The following GAREM1 variants were observed in gnomAD, a reference collection of about 807,000 sequenced individuals.
GAREM1 encodes GRB2 associated regulator of MAPK1 subtype 1.
GAREM1 carries 26 observed loss-of-function variants against 71.3 expected under a neutral mutation model. The observed-to-expected ratio is 0.36, with a 90% CI of 0.27 to 0.51. The LOEUF is 0.51. GAREM1 is among the 20% of genes least tolerant of loss of function. GAREM1 has a pLI of 0.95. For synonymous variants in GAREM1, 440 were observed against 433.2 expected, an observed-to-expected ratio of 1.02 and a Z score of -0.20; for missense variants, 1,026 against 1,103.1, an observed-to-expected ratio of 0.93 and a Z score of 0.99.
At chr18:32,429,311 C>G (rs1434492254) in intron 1 of GAREM1, among the ~76,000 whole-genome samples, 2 of 152,096 alleles carry the variant, frequency 1.3e-5, no homozygotes, top group East Asian at 3.8e-4. Flanking sequence ...ATTTTGGAGT[C>G]CATGATCCTT....
chr18:32,343,396 C>T (rs2047666512), intron 2 of GAREM1, among the ~76,000 whole-genome samples: 1 of 148,104 alleles, frequency 6.8e-6, no homozygotes, highest in African/African-American at 2.5e-5. Context: ...CTCACTGCAA[C>T]CTATACCTCC....
chr18:32,273,643 T>C (rs1234268134), intron 4 of GAREM1, among the ~76,000 whole-genome samples: 6 of 151,896 alleles, frequency 4.0e-5, no homozygotes, highest in Non-Finnish European at 8.8e-5. Context: ...CAAGACAGAA[T>C]TTGAGACACA....
intron 1 of GAREM1, among the ~76,000 whole-genome samples, chr18:32,429,663 G>A (rs1599041559): frequency 6.6e-6 from 1 of 152,178 alleles, no homozygotes; most frequent in African/African-American, 2.4e-5. Flanking sequence ...TCAGCTTGCC[G>A]GCTATGTTTC....
At chr18:32,293,752 C>G (rs1357552405) in intron 3 of GAREM1, among the ~76,000 whole-genome samples, 2 of 152,088 alleles carry the variant, frequency 1.3e-5, no homozygotes, top group African/African-American at 4.8e-5. Context: ...GGAGAATATA[C>G]CTTGGACAGT....
Position 32,393,015 on chromosome 18 carries a change from G to A in GAREM1, c.142C>T (p.Arg48Trp), listed in dbSNP as rs143598457. 20 of 1,613,348 alleles carry A rather than the reference G, an allele frequency of 1.2e-5. No homozygotes were observed. Among genetic ancestry groups the A allele is most frequent in the Admixed American group, 3.3e-5 (2 of 59,910 alleles). ...TGAATCAGCAGATAGTCATTTTCCC[G>A]CAGCCCTTCTACGCACTCTCCTAGG... ...LDNGECVEGLRENDYLLIHSC... is the reference protein window; with the variant it reads ...LDNGECVEGLWENDYLLIHSC... Residue 48 changes from arginine to tryptophan, a missense_variant, in exon 2 of 6, where the codon CGG becomes TGG. By Grantham distance (101) the Arg-to-Trp change is moderately radical. Around this residue, in one of 3 missense-constraint regions of GAREM1, gnomAD observed 172 missense variants for 175.2 expected, o/e 0.98. Coordinates refer to ENST00000269209, the MANE Select transcript of GAREM1 (RefSeq NM_001242409.2).
intron 2 of GAREM1, among the ~76,000 whole-genome samples, chr18:32,330,534 G>T (rs1489997357): frequency 2.0e-5 from 3 of 152,092 alleles, no homozygotes; most frequent in African/African-American, 7.2e-5. Context: ...AAAAAGAATA[G>T]ATTTGGAAAC....
intron 1 of GAREM1, among the ~76,000 whole-genome samples, chr18:32,444,716 T>C (rs944224146): frequency 6.6e-6 from 1 of 152,090 alleles, no homozygotes; most frequent in Non-Finnish European, 1.5e-5. Flanking sequence ...CCCAGTTGTT[T>C]CCAACCTGCC....
chr18:32,351,819 T>G (rs188947534), intron 2 of GAREM1, among the ~76,000 whole-genome samples: 2 of 152,098 alleles, frequency 1.3e-5, no homozygotes. Context: ...TACCCTACTT[T>G]CAAATTCTCA....
chr18:32,366,380 C>T (rs904754461), intron 2 of GAREM1, among the ~76,000 whole-genome samples: 2 of 152,066 alleles, frequency 1.3e-5, no homozygotes, highest in Non-Finnish European at 1.5e-5. Flanking sequence ...TCCAGGGCTT[C>T]GCATAGAAGA....
At chr18:32,335,169 T>C (rs1307806587) in intron 2 of GAREM1, among the ~76,000 whole-genome samples, 1 of 152,240 alleles carries the variant, frequency 6.6e-6, no homozygotes, top group African/African-American at 2.4e-5. Context: ...TCTAATCTTT[T>C]ATTCAATTGT....
chr18:32,358,208 T>A (rs1482217164), intron 2 of GAREM1, among the ~76,000 whole-genome samples: 4 of 145,794 alleles, frequency 2.7e-5, no homozygotes, highest in African/African-American at 1.0e-4. Flanking sequence ...CACACCCGGC[T>A]TGTGTGCTTC....
At chr18:32,444,412 C>T (rs1413012626) in intron 1 of GAREM1, among the ~76,000 whole-genome samples, 2 of 152,156 alleles carry the variant, frequency 1.3e-5, no homozygotes, top group South Asian at 2.1e-4. Flanking sequence ...GCTCTGTGAA[C>T]CTCAGTTGCC....
chr18:32,376,752 C>A (rs775900800), intron 2 of GAREM1, among the ~76,000 whole-genome samples: 1 of 152,144 alleles, frequency 6.6e-6, no homozygotes, highest in African/African-American at 2.4e-5. Flanking sequence ...GCAGAAGAAT[C>A]GCTTGAACCC....
chr18:32,328,133 T>C (rs1415161664), intron 2 of GAREM1, among the ~76,000 whole-genome samples: 1 of 152,222 alleles, frequency 6.6e-6, no homozygotes, highest in Non-Finnish European at 1.5e-5. Context: ...CAAAGCAGTG[T>C]ATGAAGTGCT....
At chr18:32,363,071 A>G (rs939041032) in intron 2 of GAREM1, among the ~76,000 whole-genome samples, 4 of 152,194 alleles carry the variant, frequency 2.6e-5, no homozygotes, top group Non-Finnish European at 2.9e-5. Flanking sequence ...TAAGTTATAT[A>G]AGGGGTTTAG....
chr18:32,397,896 T>C (rs868453891), intron 1 of GAREM1, among the ~76,000 whole-genome samples: 7 of 152,164 alleles, frequency 4.6e-5, no homozygotes, highest in Admixed American at 3.9e-4. Context: ...TATTCCAAAA[T>C]TGACCACATA....
At chr18:32,355,403 T>C (rs191000327) in intron 2 of GAREM1, among the ~76,000 whole-genome samples, 2 of 151,934 alleles carry the variant, frequency 1.3e-5, no homozygotes, top group Non-Finnish European at 1.5e-5. Context: ...GATGCATTTT[T>C]ACACATGACT....
At chr18:32,319,969 T>C (rs187442143) in intron 2 of GAREM1, among the ~76,000 whole-genome samples, 310 of 152,356 alleles carry the variant, frequency 2.0e-3, no homozygotes, top group African/African-American at 6.8e-3. Context: ...TGAAGTTAAA[T>C]ATGCTTGTCC....
intron 1 of GAREM1, among the ~76,000 whole-genome samples, chr18:32,453,151 G>A (rs2048856452): frequency 6.6e-6 from 1 of 152,098 alleles, no homozygotes; most frequent in South Asian, 2.1e-4. Context: ...AAGAATGACA[G>A]AATGAGAACC....
Sources: allele counts gnomAD v4.1 joint callset (sites outside exome capture counted in the v4.1 genomes callset), GRCh38; gene constraint gnomAD v4.1.1; regional missense constraint gnomAD v4.1.1; transcripts MANE v1.5; gene names NCBI Gene and HGNC (gene_info 2026-07-23, HGNC 2026-07-21).